CDIN1: variants seen among roughly 807,000 people sequenced by gnomAD.
CDIN1 encodes CDAN1 interacting nuclease 1, also known as CDAN1-interacting nuclease 1.
In CDIN1, 33 loss-of-function variants were observed where a neutral mutation model predicts 45.3. The ratio of observed to expected loss-of-function variants is 0.73; its 90% CI spans 0.55 to 0.97. The LOEUF (loss-of-function observed/expected upper bound fraction) is 0.97. Among genes scored for constraint, CDIN1 ranks in the 50% least tolerant of loss-of-function variants. CDIN1 has a pLI of 0.00. For synonymous variants in CDIN1, 118 were observed against 124.4 expected (o/e 0.95, Z 0.34); for missense variants, 303 against 339.4 (o/e 0.89, Z 0.84).
At chr15:36,793,424 G>T (rs1406598175) in intron 10 of CDIN1, among the ~76,000 whole-genome samples, 1 of 152,072 alleles carries the variant, frequency 6.6e-6, no homozygotes, top group Non-Finnish European at 1.5e-5. Flanking sequence ...AGTCCCTCCC[G>T]TGTTATCTTA....
chr15:36,771,914 T>G (rs2054088749), intron 10 of CDIN1, among the ~76,000 whole-genome samples: 1 of 125,326 alleles, frequency 8.0e-6, no homozygotes, highest in African/African-American at 2.9e-5. Context: ...GGTGACAGTG[T>G]GAGACTCAGT....
At chr15:36,712,001 A>G (rs2043072471) in intron 10 of CDIN1, among the ~76,000 whole-genome samples, 1 of 152,116 alleles carries the variant, frequency 6.6e-6, no homozygotes, top group South Asian at 2.1e-4. Flanking sequence ...AACACAACTC[A>G]TGTATATTAG....
At chr15:36,592,352 G>A (rs2037618671) in intron 1 of CDIN1, among the ~76,000 whole-genome samples, 1 of 152,134 alleles carries the variant, frequency 6.6e-6, no homozygotes, top group South Asian at 2.1e-4. Flanking sequence ...ATTGGCAAAT[G>A]GTACAACCTG....
intron 10 of CDIN1, among the ~76,000 whole-genome samples, chr15:36,783,878 C>T (rs533569163): frequency 6.6e-6 from 1 of 152,170 alleles, no homozygotes; most frequent in South Asian, 2.1e-4. Context: ...TGCCTAAAAC[C>T]TCATTAAATT....
chr15:36,631,343 C>T (rs1438482585), intron 1 of CDIN1, among the ~76,000 whole-genome samples: 6 of 152,058 alleles, frequency 3.9e-5, no homozygotes, highest in Admixed American at 2.0e-4. Context: ...GTTGTACAAC[C>T]GTCACCACTG....
chr15:36,706,938 T>G (rs900729611), intron 8 of CDIN1: 1 of 152,120 alleles, frequency 6.6e-6, no homozygotes, highest in African/African-American at 2.4e-5. Flanking sequence ...TTGGGGGCAT[T>G]AAGTGTCCTG....
intron 1 of CDIN1, among the ~76,000 whole-genome samples, chr15:36,602,877 A>C (rs938771095): frequency 6.6e-6 from 1 of 152,136 alleles, no homozygotes; most frequent in Non-Finnish European, 1.5e-5. Context: ...AGTCCCAGCT[A>C]CTTGGGAGGC....
intron 8 of CDIN1, among the ~76,000 whole-genome samples, chr15:36,701,129 GATAGATAGA>G (rs1566912654): frequency 4.9e-4 from 47 of 96,310 alleles, no homozygotes; most frequent in African/African-American, 5.5e-4. Context: ...TAGGTAGATA[GATAGATAGA>G]TAGATAGATA....
At chr15:36,714,946 C>T (rs1044035786) in intron 10 of CDIN1, among the ~76,000 whole-genome samples, 6 of 152,248 alleles carry the variant, frequency 3.9e-5, no homozygotes, top group African/African-American at 1.2e-4. Context: ...TTCCTTGGCC[C>T]CATAAACTCC....
At chr15:36,772,787 C>T (rs1351532308) in intron 10 of CDIN1, among the ~76,000 whole-genome samples, 2 of 152,202 alleles carry the variant, frequency 1.3e-5, no homozygotes, top group Non-Finnish European at 2.9e-5. Flanking sequence ...ATCTGTTGAG[C>T]TGTATCTCCA....
intron 1 of CDIN1, among the ~76,000 whole-genome samples, chr15:36,611,792 G>T (rs969168569): frequency 6.6e-6 from 1 of 152,012 alleles, no homozygotes; most frequent in African/African-American, 2.4e-5. Context: ...TTGTTTTTTT[G>T]GTGGTATCTC....
intron 10 of CDIN1, among the ~76,000 whole-genome samples, chr15:36,779,031 T>C (rs1027321965): frequency 1.3e-5 from 2 of 152,220 alleles, no homozygotes; most frequent in Non-Finnish European, 2.9e-5. Flanking sequence ...TTTAATCATA[T>C]ATTCATTTAC....
chr15:36,592,242 G>T (rs2140191869), intron 1 of CDIN1, among the ~76,000 whole-genome samples: 1 of 152,330 alleles, frequency 6.6e-6, no homozygotes, highest in Admixed American at 6.5e-5. Flanking sequence ...TTTCCAGCTT[G>T]TGAGAGCTGA....
intron 10 of CDIN1, among the ~76,000 whole-genome samples, chr15:36,771,726 G>A (rs772352958): frequency 6.6e-6 from 1 of 152,092 alleles, no homozygotes; most frequent in Non-Finnish European, 1.5e-5. Context: ...TCAGGAGTTC[G>A]AGACCAGCCT....
intron 10 of CDIN1, among the ~76,000 whole-genome samples, chr15:36,728,576 C>T (rs765676308): frequency 6.0e-5 from 9 of 149,266 alleles, no homozygotes; most frequent in South Asian, 2.1e-4. Context: ...TTAAATGCCA[C>T]GCTTATTTTT....
At chr15:36,607,414 C>G (rs999007529) in intron 1 of CDIN1, among the ~76,000 whole-genome samples, 14 of 151,984 alleles carry the variant, frequency 9.2e-5, no homozygotes, top group African/African-American at 3.4e-4. Flanking sequence ...GAGAAATACC[C>G]AATTTATTAG....
At chr15:36,798,588 G>A (rs2054899477) in intron 10 of CDIN1, 1 of 152,120 alleles carries the variant, frequency 6.6e-6, no homozygotes, top group South Asian at 2.1e-4. Flanking sequence ...ATTTGACTTT[G>A]CCGAGGATGA....
intron 1 of CDIN1, among the ~76,000 whole-genome samples, chr15:36,620,275 C>G (rs574856187): frequency 7.1e-4 from 108 of 152,002 alleles, no homozygotes; most frequent in African/African-American, 2.6e-3. Context: ...GGCGTGACAC[C>G]GGGGGGCGGA....
chr15:36,770,097 C>T (rs1374918168), intron 10 of CDIN1, among the ~76,000 whole-genome samples: 1 of 150,352 alleles, frequency 6.7e-6, no homozygotes, highest in East Asian at 1.9e-4. Context: ...TTCTATTTCT[C>T]TCCTTTCTCC....
Sources: gnomAD v4.1 joint callset for allele counts (sites outside exome capture counted in the v4.1 genomes callset) on GRCh38, gnomAD v4.1.1 for gene constraint, MANE v1.5 for transcripts, NCBI Gene and HGNC (gene_info 2026-07-23, HGNC 2026-07-21) for gene names.